INPP4B: variants seen among roughly 807,000 people sequenced by gnomAD.
The protein encoded by INPP4B is inositol polyphosphate 4-phosphatase type II.
In INPP4B, 55 loss-of-function variants were observed where a neutral mutation model predicts 122.5. That is an observed-to-expected ratio of 0.45 (90% CI 0.36 to 0.56). The LOEUF is 0.56. Ranked by LOEUF, INPP4B falls within the 20% of genes least tolerant of loss-of-function variation. The probability of loss-of-function intolerance (pLI) is 0.00; values close to 1 mark genes in which losing one functional copy is unlikely to be tolerated. For synonymous variants in INPP4B, 403 were observed against 388.7 expected, an observed-to-expected ratio of 1.04 and a Z score of -0.43; for missense variants, 1,000 against 1,097.7, an observed-to-expected ratio of 0.91 and a Z score of 1.26.
intron 2 of INPP4B, among the ~76,000 whole-genome samples, chr4:142,622,237 T>C (rs1186226064): frequency 1.3e-5 from 2 of 151,854 alleles, no homozygotes; most frequent in African/African-American, 2.4e-5. Context: ...ACCATATTGC[T>C]AACACTGATA....
At chr4:142,742,771 A>T (rs1440440470) in intron 1 of INPP4B, among the ~76,000 whole-genome samples, 3 of 152,038 alleles carry the variant, frequency 2.0e-5, no homozygotes, top group African/African-American at 7.2e-5. Context: ...GTGAATAGGT[A>T]GGTAAACTTA....
At chr4:142,167,556 A>C (rs761873621) in intron 16 of INPP4B, among the ~76,000 whole-genome samples, 1 of 151,794 alleles carries the variant, frequency 6.6e-6, no homozygotes, top group Non-Finnish European at 1.5e-5. Context: ...CCTAACATTA[A>C]ATTTTTAAAA....
At chr4:142,838,800 C>G (rs75145312) in intron 1 of INPP4B, among the ~76,000 whole-genome samples, 10,745 of 152,156 alleles carry the variant, frequency 0.071, 1,264 homozygotes, top group African/African-American at 0.25. Flanking sequence ...AAAACTTCAA[C>G]TCTATATGAA....
At chr4:142,445,389 T>A (rs1812695261) in intron 3 of INPP4B, among the ~76,000 whole-genome samples, 1 of 152,016 alleles carries the variant, frequency 6.6e-6, no homozygotes, top group African/African-American at 2.4e-5. Flanking sequence ...AAACAACAAA[T>A]ACAAGAACAA....
intron 2 of INPP4B, among the ~76,000 whole-genome samples, chr4:142,700,990 C>T (rs967235419): frequency 6.6e-6 from 1 of 152,054 alleles, no homozygotes; most frequent in Admixed American, 6.5e-5. Flanking sequence ...CAGGCTCTGG[C>T]TACCTTAATC....
At chr4:142,620,287 A>G (rs1004348908) in intron 2 of INPP4B, among the ~76,000 whole-genome samples, 2 of 152,036 alleles carry the variant, frequency 1.3e-5, no homozygotes, top group Non-Finnish European at 2.9e-5. Flanking sequence ...GATAAAGAAA[A>G]TGTGGTACAT....
intron 3 of INPP4B, among the ~76,000 whole-genome samples, chr4:142,432,717 C>T (rs955121100): frequency 1.3e-5 from 2 of 152,050 alleles, no homozygotes; most frequent in Admixed American, 1.3e-4. Context: ...GACTGCAAGG[C>T]ATGTGTGACT....
intron 1 of INPP4B, among the ~76,000 whole-genome samples, chr4:142,779,343 A>T (rs1774438338): frequency 6.6e-6 from 1 of 152,136 alleles, no homozygotes; most frequent in South Asian, 2.1e-4. Flanking sequence ...TAAAGTCCCA[A>T]GTCAGTAATT....
rs374812615 is a variant in INPP4B at position 142,160,493 on chromosome 4, T to C, written c.1428A>G (p.Ala476=). 1.2e-6 allele frequency: 2 copies of C among 1,612,450 alleles called. No homozygotes were observed. The highest frequency in any genetic ancestry group is 1.7e-6 in the Non-Finnish European group (2 of 1,179,156). ...VRSALLALYT[A]RPGGILKKPP... Reference sequence around the variant, plus strand: ...GCTTCTTAAGAATGCCTCCTGGCCTTGCAGTGTAGAGTGCTAAAAGAGCAC... The same window carrying C: ...GCTTCTTAAGAATGCCTCCTGGCCTCGCAGTGTAGAGTGCTAAAAGAGCAC... Residue 476 remains alanine, a synonymous_variant, in exon 17 of 26, where the codon GCA becomes GCG. Transcript: ENST00000262992.
At chr4:142,072,253 A>G (rs10008714) in intron 25 of INPP4B, among the ~76,000 whole-genome samples, 3,765 of 151,812 alleles carry the variant, frequency 0.025, 176 homozygotes, top group African/African-American at 0.087. Context: ...GCCAAACACC[A>G]CATGTTCTCA....
chr4:142,829,991 A>C (rs939081905), intron 1 of INPP4B, among the ~76,000 whole-genome samples: 9 of 152,182 alleles, frequency 5.9e-5, no homozygotes, highest in African/African-American at 2.2e-4. Context: ...ATGTTTAAGA[A>C]TAAATCTGGC....
intron 2 of INPP4B, among the ~76,000 whole-genome samples, chr4:142,628,391 TCA>T (rs1747042672): frequency 8.1e-6 from 1 of 123,390 alleles, no homozygotes; most frequent in Non-Finnish European, 1.6e-5. Context: ...AAGGGGAATA[TCA>T]CACTCTGGGG....
intron 2 of INPP4B, among the ~76,000 whole-genome samples, chr4:142,578,141 A>G (rs1734246381): frequency 6.6e-6 from 1 of 151,956 alleles, no homozygotes; most frequent in African/African-American, 2.4e-5. Flanking sequence ...AATGATGTTT[A>G]TTTTGTGAAT....
chr4:142,341,802 T>C (rs908490188), intron 7 of INPP4B, among the ~76,000 whole-genome samples: 1 of 136,202 alleles, frequency 7.3e-6, no homozygotes, highest in African/African-American at 2.4e-5. Flanking sequence ...AAATTGCAGG[T>C]GGCCTCCAGG....
chr4:142,378,275 G>A (rs1024333879), intron 7 of INPP4B, among the ~76,000 whole-genome samples: 2 of 152,074 alleles, frequency 1.3e-5, no homozygotes, highest in African/African-American at 4.8e-5. Context: ...TGATTGAGAA[G>A]GAATCTGTGA....
intron 2 of INPP4B, among the ~76,000 whole-genome samples, chr4:142,722,484 T>C (rs190713452): frequency 7.5e-4 from 114 of 152,226 alleles, no homozygotes; most frequent in African/African-American, 2.6e-3. Flanking sequence ...GGTTTATAGT[T>C]CTGAGAGTTT....
intron 2 of INPP4B, among the ~76,000 whole-genome samples, chr4:142,489,302 T>C (rs1233412072): frequency 1.3e-5 from 2 of 152,214 alleles, no homozygotes; most frequent in African/African-American, 2.4e-5. Flanking sequence ...GTGAGTGCTC[T>C]ATATGTACCT....
At chr4:142,247,352 C>T (rs1425854640) in intron 11 of INPP4B, among the ~76,000 whole-genome samples, 1 of 151,920 alleles carries the variant, frequency 6.6e-6, no homozygotes, top group Non-Finnish European at 1.5e-5. Context: ...TGTTTGGAAT[C>T]GTTTCAGAAG....
chr4:142,321,509 A>G (rs1770002045), intron 7 of INPP4B, among the ~76,000 whole-genome samples: 1 of 152,140 alleles, frequency 6.6e-6, no homozygotes, highest in Non-Finnish European at 1.5e-5. Flanking sequence ...TGCCTAAGTC[A>G]ATGTCGAGAA....
Sources: allele counts gnomAD v4.1 joint callset (sites outside exome capture counted in the v4.1 genomes callset), GRCh38; gene constraint gnomAD v4.1.1; transcripts MANE v1.5; gene names NCBI Gene and HGNC (gene_info 2026-07-23, HGNC 2026-07-21).